AGAP1: variants seen among roughly 807,000 people sequenced by gnomAD.
AGAP1 encodes arf-GAP with GTPase, ANK repeat and PH domain-containing protein 1.
Under a neutral mutation model 105.3 loss-of-function variants are expected in AGAP1, and 29 were observed. The observed-to-expected ratio is 0.28, with a 90% CI of 0.21 to 0.38. The LOEUF (loss-of-function observed/expected upper bound fraction) is 0.38. Ranked by LOEUF, AGAP1 falls within the 10% of genes least tolerant of loss-of-function variation. The pLI, the probability that AGAP1 is intolerant of heterozygous loss-of-function variation, is 1.00. For synonymous variants in AGAP1, 509 were observed against 485.9 expected, an observed-to-expected ratio of 1.05 and a Z score of -0.63; for missense variants, 998 against 1,165.1, an observed-to-expected ratio of 0.86 and a Z score of 2.09.
intron 13 of AGAP1, among the ~76,000 whole-genome samples, chr2:235,991,058 TGTG>T (rs1387192460): frequency 2.0e-5 from 3 of 152,218 alleles, no homozygotes; most frequent in African/African-American, 7.2e-5. Context: ...TTTGCACTGT[TGTG>T]GTGGCCACCT....
At chr2:236,068,362 C>A (rs1275802515) in intron 16 of AGAP1, among the ~76,000 whole-genome samples, 1 of 152,014 alleles carries the variant, frequency 6.6e-6, no homozygotes, top group African/African-American at 2.4e-5. Flanking sequence ...ATATAATAAC[C>A]CTTCCTGTTG....
At chr2:235,861,845 G>A (rs905100658) in intron 9 of AGAP1, among the ~76,000 whole-genome samples, 1 of 152,130 alleles carries the variant, frequency 6.6e-6, no homozygotes, top group African/African-American at 2.4e-5. Flanking sequence ...CAGTAACTTG[G>A]CATTTCCTTA....
At chr2:236,024,967 A>G (rs1030320096) in intron 13 of AGAP1, among the ~76,000 whole-genome samples, 4 of 152,222 alleles carry the variant, frequency 2.6e-5, no homozygotes, top group Admixed American at 6.5e-5. Context: ...TAAGCCCTGG[A>G]ATGTCACACT....
rs997443201 is a variant in AGAP1 at position 235,550,855 on chromosome 2, A to G, written c.163+56006A>G. 1.3e-5 allele frequency among the ~76,000 whole-genome samples: 2 copies of G among 151,486 alleles called. No homozygotes were observed. The highest frequency in any genetic ancestry group is 1.5e-5 in the Non-Finnish European group (1 of 67,878). On this transcript the variant is annotated intron_variant, in intron 1 of 17. Coordinates refer to ENST00000304032, the MANE Select transcript of AGAP1 (RefSeq NM_001037131.3). The surrounding 1 kb of genome is among the most constrained non-coding windows in gnomAD (Gnocchi z 4.6). ...AGTGGCACTGTCTCGGCTCACTACA[A>G]CCTCCACCTCCTGGGTCCAAGCAAT...
At chr2:235,540,762 C>T (rs6755902) in intron 1 of AGAP1, among the ~76,000 whole-genome samples, 1 of 151,742 alleles carries the variant, frequency 6.6e-6, no homozygotes, top group African/African-American at 2.4e-5. Context: ...GGGACGTGCA[C>T]CCCCTTCACT....
In AGAP1 at chr2:236,124,021, G is replaced by A. The variant is rs753031241; in HGVS notation, c.2473G>A (p.Gly825Ser). The A allele has an allele frequency of 4.0e-5, 64 of 1,613,890 alleles. No individual in the cohort carries two copies. The highest frequency in any genetic ancestry group is 5.1e-5 in the Non-Finnish European group (60 of 1,180,012). Residue 825 changes from glycine to serine, a missense_variant, in exon 18 of 18, where the codon GGC (glycine) becomes AGC (serine). Physicochemically the swap from Gly to Ser is moderately conservative, Grantham distance 56. Around this residue, in one of 3 missense-constraint regions of AGAP1, gnomAD observed 235 missense variants for 270.7 expected, o/e 0.87. Transcript: ENST00000304032. This position sits in a 1 kb window ranked among gnomAD's most constrained non-coding sequence, Gnocchi z 5.1. ...GTGCATCGACGTGCTGCTGCAGTACGGCTGCCCCGACGAGCGCTTCGTGCT... is the reference window on the plus strand; with the variant it reads ...GTGCATCGACGTGCTGCTGCAGTACAGCTGCCCCGACGAGCGCTTCGTGCT... ...QECIDVLLQY[G>S]CPDERFVLMA...
Position 235,732,681 on chromosome 2 carries a change from G to GA in AGAP1, c.311-8281dup, listed in dbSNP as rs1447051868. 6.6e-6 allele frequency among the ~76,000 whole-genome samples: 1 copy of GA among 152,040 alleles called. No homozygotes were observed. On this transcript the variant is annotated intron_variant, in intron 3 of 17. Coordinates refer to ENST00000304032, the MANE Select transcript of AGAP1 (RefSeq NM_001037131.3). This position sits in a 1 kb window ranked among gnomAD's most constrained non-coding sequence, Gnocchi z 4.8. ...CCTGCTCTTCAGCCTTCTTGGCTTG[G>GA]ACCTCTCTTCCCAGACATTGTCTTT...
chr2:235,969,619 G>A (rs2054558264), intron 13 of AGAP1, among the ~76,000 whole-genome samples: 1 of 152,216 alleles, frequency 6.6e-6, no homozygotes, highest in Non-Finnish European at 1.5e-5. Flanking sequence ...CGAGCTGTCA[G>A]ACAGTGGCTA....
In AGAP1 at chr2:235,994,536, T is replaced by C. The variant is rs967925256; in HGVS notation, c.1645+25913T>C. 6.6e-6 allele frequency among the ~76,000 whole-genome samples: 1 copy of C among 151,744 alleles called. No individual in the cohort carries two copies. The highest frequency in any genetic ancestry group is 2.4e-5 in the African/African-American group (1 of 41,354). On this transcript the variant is annotated intron_variant, in intron 13 of 17. Transcript: ENST00000304032. The surrounding 1 kb of genome is among the most constrained non-coding windows in gnomAD (Gnocchi z 4.4). ...AAGTAGGTCATCACTGTCATCGTCA[T>C]AGTGGGGACACACTGAGAGGTTACT...
rs756488023 is a variant in AGAP1 at position 235,967,628 on chromosome 2, C to T, written c.1484-834C>T. ...GACTTTGGACTTAAAGATGCTGAAT[C>T]GTGAAATAAAAACTTTTCAAGACGC... On this transcript the variant is annotated intron_variant, in intron 12 of 17. Coordinates refer to ENST00000304032, the MANE Select transcript of AGAP1 (RefSeq NM_001037131.3). The surrounding 1 kb of genome is among the most constrained non-coding windows in gnomAD (Gnocchi z 4.7). Among the ~76,000 whole-genome samples, 3 of 152,200 alleles carry T rather than the reference C, an allele frequency of 2.0e-5. No individual in the cohort carries two copies. The highest frequency in any genetic ancestry group is 6.5e-5 in the Admixed American group (1 of 15,282).
Position 235,723,393 on chromosome 2 carries a change from GCT to G in AGAP1, c.310+5750_310+5751del, listed in dbSNP as rs1459497296. ...AAGAGAAAAAGTCAAAGGAAACAAA[GCT>G]AGGATGTCCAGTATTATGTGGACAT... On this transcript the variant is annotated intron_variant, in intron 3 of 17. Transcript: ENST00000304032. This position sits in a 1 kb window ranked among gnomAD's most constrained non-coding sequence, Gnocchi z 6.2. 1.3e-5 allele frequency among the ~76,000 whole-genome samples: 2 copies of G among 152,160 alleles called. No individual in the cohort carries two copies. Among genetic ancestry groups the G allele is most frequent in the African/African-American group, 4.8e-5 (2 of 41,426 alleles).
intron 1 of AGAP1, among the ~76,000 whole-genome samples, chr2:235,510,747 CCT>C (rs1274420589): frequency 6.6e-6 from 1 of 152,032 alleles, no homozygotes; most frequent in Non-Finnish European, 1.5e-5. Context: ...GAGCATTTGC[CCT>C]CTGTGTCTCT....
intron 1 of AGAP1, among the ~76,000 whole-genome samples, chr2:235,698,610 G>A (rs1042629792): frequency 2.0e-5 from 3 of 152,074 alleles, no homozygotes; most frequent in African/African-American, 7.2e-5. Context: ...AAAATTCTAC[G>A]TCTTATATGA....
At chr2:236,028,184 G>A (rs937168673) in intron 13 of AGAP1, among the ~76,000 whole-genome samples, 1 of 152,112 alleles carries the variant, frequency 6.6e-6, no homozygotes, top group Non-Finnish European at 1.5e-5. Flanking sequence ...CATCAGCCTG[G>A]GTCACAGGGT....
intron 7 of AGAP1, among the ~76,000 whole-genome samples, chr2:235,798,311 C>A (rs1957335254): frequency 6.6e-6 from 1 of 152,176 alleles, no homozygotes; most frequent in South Asian, 2.1e-4. Context: ...ATAGAAACTG[C>A]TATCTTTCCA....
chr2:235,853,960 C>A (rs1387302171), intron 9 of AGAP1, among the ~76,000 whole-genome samples: 2 of 151,838 alleles, frequency 1.3e-5, no homozygotes, highest in East Asian at 3.9e-4. Context: ...TTGAGCCATA[C>A]CTAACAATTC....
At position 235,752,047 on chromosome 2, in the gene AGAP1, T is replaced by C. The variant is rs370554446; in HGVS notation, c.673+1559T>C. On this transcript the variant is annotated intron_variant, in intron 6 of 17. Transcript: ENST00000304032. This position sits in a 1 kb window ranked among gnomAD's most constrained non-coding sequence, Gnocchi z 4.3. ...AGGCCCTTAGAGCTCTTCTGAGAGG[T>C]GCACCCTAATGGAGCAAGGTCACTG... Among the ~76,000 whole-genome samples the C allele has an allele frequency of 3.9e-5, 6 of 152,284 alleles. No homozygotes were observed. In the East Asian group the frequency reaches 7.7e-4, roughly 20 times the overall value.
rs917492628 is a variant in AGAP1 at position 235,701,248 on chromosome 2, C to T, written c.164-7931C>T. 2.0e-5 allele frequency among the ~76,000 whole-genome samples: 3 copies of T among 151,888 alleles called. No homozygotes were observed. Among genetic ancestry groups the T allele is most frequent in the African/African-American group, 7.3e-5 (3 of 41,330 alleles). On this transcript the variant is annotated intron_variant, in intron 1 of 17. Coordinates refer to ENST00000304032, the MANE Select transcript of AGAP1 (RefSeq NM_001037131.3). The surrounding 1 kb of genome is among the most constrained non-coding windows in gnomAD (Gnocchi z 4.1). ...CAAATCCTCTAGAGCCCATTTGGGC[C>T]GGCAAACTTTTGCCTTGGGATTTCC... is the stretch of plus-strand genomic sequence containing the variant.
intron 12 of AGAP1, among the ~76,000 whole-genome samples, chr2:235,939,844 G>C (rs7568228): frequency 0.49 from 74,566 of 151,746 alleles, 18,621 homozygotes; most frequent in South Asian, 0.63. Context: ...TCAGACGATA[G>C]ATGTGGCCCA....
Sources: gnomAD v4.1 joint callset for allele counts (sites outside exome capture counted in the v4.1 genomes callset) on GRCh38, gnomAD v4.1.1 for gene constraint, gnomAD v4.1.1 regional missense constraint, Gnocchi (gnomAD v3.1) non-coding constraint, MANE v1.5 for transcripts, NCBI Gene and HGNC (gene_info 2026-07-23, HGNC 2026-07-21) for gene names.